NUDCD3: variants seen among roughly 807,000 people sequenced by gnomAD.
NUDCD3 encodes nudC domain-containing protein 3.
A neutral mutation model predicts 39.7 loss-of-function variants in NUDCD3; 13 were observed. That is an observed-to-expected ratio of 0.33 (90% CI 0.21 to 0.52). NUDCD3 has a LOEUF of 0.52. Ranked by LOEUF, NUDCD3 falls within the 20% of genes least tolerant of loss-of-function variation. The pLI is 0.96. For missense variants in NUDCD3, 453 were observed against 458.1 expected (o/e 0.99, Z 0.10); for synonymous variants, 175 against 172.4 (o/e 1.02, Z -0.12).
intron 3 of NUDCD3, among the ~76,000 whole-genome samples, chr7:44,411,091 A>G (rs1798914933): frequency 6.6e-6 from 1 of 152,270 alleles, no homozygotes. Context: ...GAGTATTCAC[A>G]TGCAAAAGAA....
chr7:44,420,279 G>T (rs1006629026), intron 3 of NUDCD3, among the ~76,000 whole-genome samples: 17 of 151,974 alleles, frequency 1.1e-4, no homozygotes, highest in Admixed American at 1.0e-3. Context: ...CTGAAATAAG[G>T]TGTGAAGACA....
At chr7:44,441,952 T>G (rs1799593327) in intron 2 of NUDCD3, among the ~76,000 whole-genome samples, 1 of 152,094 alleles carries the variant, frequency 6.6e-6, no homozygotes, top group Admixed American at 6.5e-5. Context: ...GCCACAGCAC[T>G]GGCTCAGGGC....
At chr7:44,427,962 T>A (rs922519948) in intron 2 of NUDCD3, among the ~76,000 whole-genome samples, 5 of 151,844 alleles carry the variant, frequency 3.3e-5, no homozygotes, top group African/African-American at 9.7e-5. Context: ...TCCTACAGTT[T>A]AGGAAAAGTG....
chr7:44,417,391 G>A (rs1043396071), intron 3 of NUDCD3, among the ~76,000 whole-genome samples: 4 of 152,178 alleles, frequency 2.6e-5, no homozygotes, highest in African/African-American at 9.6e-5. Context: ...ATTTCCAGTG[G>A]GGAGTTGTCC....
intron 2 of NUDCD3, among the ~76,000 whole-genome samples, chr7:44,466,390 T>G (rs1191160953): frequency 6.6e-6 from 1 of 152,120 alleles, no homozygotes; most frequent in African/African-American, 2.4e-5. Context: ...GGTATGTACA[T>G]GGGGTTTATT....
intron 2 of NUDCD3, among the ~76,000 whole-genome samples, chr7:44,477,762 A>C (rs914305217): frequency 6.6e-6 from 1 of 152,022 alleles, no homozygotes; most frequent in Non-Finnish European, 1.5e-5. Flanking sequence ...AGTATTACAT[A>C]AACACTGAGG....
chr7:44,404,652 T>C, intron 3 of NUDCD3, 69 bp from the exon 4 acceptor site: 1 of 1,543,316 alleles, frequency 6.5e-7, no homozygotes, highest in Non-Finnish European at 8.8e-7. Context: ...ACGGTGGGAG[T>C]GGTGATGGTT....
chr7:44,483,399 G>A (rs1800536221), intron 2 of NUDCD3, among the ~76,000 whole-genome samples: 1 of 152,070 alleles, frequency 6.6e-6, no homozygotes, highest in Non-Finnish European at 1.5e-5. Context: ...TGAAATAAAG[G>A]CATTTTCAGA....
At position 44,484,191 on chromosome 7, in the gene NUDCD3, G is replaced by A. The variant is rs149406713; in HGVS notation, c.509+777C>T. Among the ~76,000 whole-genome samples the A allele has an allele frequency of 3.3e-4, 51 of 152,340 alleles. 1 individual carries two copies. The East Asian group carries it at 7.7e-3, about 23-fold the overall frequency. ...AAAAACAAAGCAGGCCAGGAGGCTC[G>A]TGGCTGTCTTGCAGACACTACTACA... On this transcript the variant is annotated intron_variant, in intron 2 of 5. Coordinates refer to ENST00000355451, the MANE Select transcript of NUDCD3 (RefSeq NM_015332.4).
intron 3 of NUDCD3, among the ~76,000 whole-genome samples, chr7:44,423,547 T>C (rs1799180519): frequency 6.6e-6 from 1 of 151,972 alleles, no homozygotes; most frequent in South Asian, 2.1e-4. Flanking sequence ...CCGCAATTGC[T>C]ACAAAGAAAA....
intron 2 of NUDCD3, among the ~76,000 whole-genome samples, chr7:44,452,657 C>A (rs954463668): frequency 2.0e-5 from 3 of 152,136 alleles, no homozygotes; most frequent in African/African-American, 7.2e-5. Context: ...AAAAAATGGT[C>A]ATAAGATCAC....
rs558104012 is a variant in NUDCD3 at position 44,453,356 on chromosome 7, AAAATAAATAAAT to A, written c.510-25665_510-25654del. ...CGACAGAGTGAGACTTCATCTCAAA[AAAATAAATAAAT>A]AAATAAATAAATAAATAATAATAAA... On this transcript the variant is annotated intron_variant, in intron 2 of 5. Coordinates refer to ENST00000355451, the MANE Select transcript of NUDCD3 (RefSeq NM_015332.4). Among the ~76,000 whole-genome samples the A allele has an allele frequency of 4.6e-5, 7 of 151,724 alleles. No individual in the cohort carries two copies. The South Asian group carries it at 8.3e-4, about 18-fold the overall frequency.
intron 1 of NUDCD3, 189 bp downstream of exon 1, chr7:44,490,220 G>A (rs924798186): frequency 3.2e-5 from 19 of 593,746 alleles, no homozygotes; most frequent in Admixed American, 2.5e-4. Context: ...GACGTCCGGA[G>A]CGAACACCTC....
At chr7:44,430,780 T>G (rs1799349561) in intron 2 of NUDCD3, among the ~76,000 whole-genome samples, 1 of 152,206 alleles carries the variant, frequency 6.6e-6, no homozygotes, top group African/African-American at 2.4e-5. Context: ...ATACCACCAG[T>G]GATGCCCACA....
chr7:44,486,878 T>A (rs769331580), intron 1 of NUDCD3, among the ~76,000 whole-genome samples: 26 of 152,168 alleles, frequency 1.7e-4, no homozygotes, highest in Admixed American at 1.7e-3. Context: ...CTCCCAACTA[T>A]CACATGTTCT....
intron 2 of NUDCD3, among the ~76,000 whole-genome samples, chr7:44,429,089 A>C (rs534313087): frequency 6.1e-4 from 93 of 152,328 alleles, no homozygotes; most frequent in African/African-American, 2.1e-3. Context: ...CAGAGTTCTA[A>C]GACAAGAACA....
chr7:44,446,728 T>C (rs1349916782), intron 2 of NUDCD3, among the ~76,000 whole-genome samples: 1 of 152,218 alleles, frequency 6.6e-6, no homozygotes, highest in Non-Finnish European at 1.5e-5. Context: ...CACTTCTTAT[T>C]GCCTCCCTTA....
At chr7:44,441,702 G>GC (rs914568464) in intron 2 of NUDCD3, among the ~76,000 whole-genome samples, 3 of 152,174 alleles carry the variant, frequency 2.0e-5, no homozygotes, top group Non-Finnish European at 4.4e-5. Flanking sequence ...AAGAGTACTG[G>GC]CCCAGGTAAC....
intron 3 of NUDCD3, among the ~76,000 whole-genome samples, chr7:44,410,679 T>C (rs1186229174): frequency 7.9e-6 from 1 of 126,228 alleles, no homozygotes; most frequent in Non-Finnish European, 1.7e-5. Context: ...AAAAAAAGTC[T>C]AGTAACAGGC....
Sources: allele counts gnomAD v4.1 joint callset (sites outside exome capture counted in the v4.1 genomes callset), GRCh38; gene constraint gnomAD v4.1.1; transcripts MANE v1.5; gene names NCBI Gene and HGNC (gene_info 2026-07-23, HGNC 2026-07-21).